LUZP2: variants seen among roughly 807,000 people sequenced by gnomAD.
The protein encoded by LUZP2 is leucine zipper protein 2.
In LUZP2, 52 loss-of-function variants were observed where a neutral mutation model predicts 51.6. The observed-to-expected ratio is 1.01, with a 90% CI of 0.81 to 1.27. The LOEUF is 1.27. LUZP2 is among the 50% of genes most tolerant of loss of function. The pLI, the probability that LUZP2 is intolerant of heterozygous loss-of-function variation, is 0.00. For missense variants in LUZP2, 436 were observed against 395.4 expected, an observed-to-expected ratio of 1.10 and a Z score of -0.87; for synonymous variants, 154 against 137.3, an observed-to-expected ratio of 1.12 and a Z score of -0.85.
chr11:24,616,473 G>C (rs1046481502), intron 1 of LUZP2, among the ~76,000 whole-genome samples: 1 of 131,776 alleles, frequency 7.6e-6, no homozygotes, highest in Non-Finnish European at 1.7e-5. Flanking sequence ...TTTGGCGTGC[G>C]CATGTGTGTG....
At chr11:24,781,942 G>A (rs1253196224) in intron 5 of LUZP2, among the ~76,000 whole-genome samples, 1 of 151,986 alleles carries the variant, frequency 6.6e-6, no homozygotes, top group Non-Finnish European at 1.5e-5. Context: ...AAGTTCCCAA[G>A]TGATGCCAAT....
At chr11:25,038,523 C>T (rs1484471861) in intron 9 of LUZP2, among the ~76,000 whole-genome samples, 1 of 152,190 alleles carries the variant, frequency 6.6e-6, no homozygotes, top group Non-Finnish European at 1.5e-5. Context: ...CTAAAAATGG[C>T]AGTTACATCT....
At chr11:24,782,578 A>T (rs1438762335) in intron 5 of LUZP2, among the ~76,000 whole-genome samples, 3 of 151,884 alleles carry the variant, frequency 2.0e-5, no homozygotes, top group Non-Finnish European at 2.9e-5. Context: ...CCCCTGCTAT[A>T]CAACTGTCTT....
chr11:24,963,409 G>C (rs544053664), intron 7 of LUZP2, among the ~76,000 whole-genome samples: 1 of 152,306 alleles, frequency 6.6e-6, no homozygotes, highest in South Asian at 2.1e-4. Flanking sequence ...GAGCTGTGGT[G>C]GGCTCCACCC....
chr11:24,685,893 A>C (rs1856883886), intron 1 of LUZP2, among the ~76,000 whole-genome samples: 1 of 152,178 alleles, frequency 6.6e-6, no homozygotes, highest in Non-Finnish European at 1.5e-5. Flanking sequence ...TTGGCCACCT[A>C]ATGTCCTTCC....
chr11:24,524,911 T>G (rs1264582983), intron 1 of LUZP2, among the ~76,000 whole-genome samples: 1 of 151,626 alleles, frequency 6.6e-6, no homozygotes, highest in Non-Finnish European at 1.5e-5. Context: ...TGGGACTTAG[T>G]CAACCCCTCT....
chr11:24,625,947 G>C (rs1460964883), intron 1 of LUZP2, among the ~76,000 whole-genome samples: 1 of 152,140 alleles, frequency 6.6e-6, no homozygotes, highest in Non-Finnish European at 1.5e-5. Flanking sequence ...ATTGGTCTTA[G>C]AGTGTATGGG....
chr11:24,864,139 G>C (rs916869527), intron 5 of LUZP2, among the ~76,000 whole-genome samples: 1 of 152,102 alleles, frequency 6.6e-6, no homozygotes, highest in East Asian at 1.9e-4. Context: ...CCCAATAATG[G>C]TAATAGTGCT....
chr11:25,024,794 A>G (rs1388161618), intron 9 of LUZP2, among the ~76,000 whole-genome samples: 1 of 149,420 alleles, frequency 6.7e-6, no homozygotes, highest in Admixed American at 6.7e-5. Context: ...GGAAAAAACT[A>G]CTTTAAAGTT....
At chr11:24,571,420 T>A (rs911420206) in intron 1 of LUZP2, among the ~76,000 whole-genome samples, 1 of 152,046 alleles carries the variant, frequency 6.6e-6, no homozygotes, top group Non-Finnish European at 1.5e-5. Context: ...TAAATATTAG[T>A]ATATTTATAT....
chr11:24,803,759 T>C (rs565608779), intron 5 of LUZP2, among the ~76,000 whole-genome samples: 5 of 152,176 alleles, frequency 3.3e-5, no homozygotes, highest in African/African-American at 9.6e-5. Context: ...TCCCAAACTG[T>C]TTTTTATATG....
At position 24,701,773 on chromosome 11, in the gene LUZP2, AC is replaced by A. The variant is rs1419421419; in HGVS notation, c.63-27394del. 3.3e-5 allele frequency among the ~76,000 whole-genome samples: 5 copies of A among 152,228 alleles called. No homozygotes were observed. In the East Asian group the frequency reaches 9.7e-4, roughly 29 times the overall value. ...TGTCAATTGTTTATTTTTTGGTACA[AC>A]CAGAAAAAACTCCCATAATATTGAA... On this transcript the variant is annotated intron_variant, in intron 1 of 11. Transcript: ENST00000336930.
At chr11:24,606,302 A>G (rs1269688244) in intron 1 of LUZP2, among the ~76,000 whole-genome samples, 1 of 152,022 alleles carries the variant, frequency 6.6e-6, no homozygotes, top group Admixed American at 6.6e-5. Context: ...ATATATTACT[A>G]TAAAACAGGC....
chr11:25,001,381 T>C (rs10834574), intron 9 of LUZP2, among the ~76,000 whole-genome samples: 59,116 of 152,056 alleles, frequency 0.39, 13,784 homozygotes, highest in East Asian at 0.69. Flanking sequence ...CTTAATCGCC[T>C]CAGAGGAACC....
At chr11:24,586,479 C>A (rs945132343) in intron 1 of LUZP2, among the ~76,000 whole-genome samples, 1 of 151,092 alleles carries the variant, frequency 6.6e-6, no homozygotes, top group Non-Finnish European at 1.5e-5. Flanking sequence ...AACAAAGACT[C>A]TTTTTCAGAT....
At chr11:24,809,626 A>G (rs1041650271) in intron 5 of LUZP2, among the ~76,000 whole-genome samples, 5 of 152,186 alleles carry the variant, frequency 3.3e-5, no homozygotes, top group African/African-American at 9.7e-5. Context: ...GTGTGTGAGA[A>G]TCAACTTTCT....
At chr11:24,602,312 A>G (rs151209587) in intron 1 of LUZP2, among the ~76,000 whole-genome samples, 1 of 146,502 alleles carries the variant, frequency 6.8e-6, no homozygotes, top group Non-Finnish European at 1.5e-5. Context: ...ATATATACAC[A>G]CATATATACA....
chr11:25,071,282 C>T (rs768846192), intron 10 of LUZP2, among the ~76,000 whole-genome samples: 1 of 151,870 alleles, frequency 6.6e-6, no homozygotes, highest in South Asian at 2.1e-4. Context: ...CATGTTAAAT[C>T]ACACATGATG....
intron 3 of LUZP2, among the ~76,000 whole-genome samples, chr11:24,733,013 C>G (rs1041419862): frequency 6.7e-6 from 1 of 150,128 alleles, no homozygotes; most frequent in African/African-American, 2.4e-5. Context: ...CTGATCACAA[C>G]GCAAAAAACT....
Sources: gnomAD v4.1 joint callset for allele counts (sites outside exome capture counted in the v4.1 genomes callset) on GRCh38, gnomAD v4.1.1 for gene constraint, MANE v1.5 for transcripts, NCBI Gene and HGNC (gene_info 2026-07-23, HGNC 2026-07-21) for gene names.